PDE12: variants seen among roughly 807,000 people sequenced by gnomAD.
PDE12 encodes phosphodiesterase 12.
In PDE12, 26 loss-of-function variants were observed where a neutral mutation model predicts 45.4. That is an observed-to-expected ratio of 0.57 (90% CI 0.42 to 0.79). The LOEUF (loss-of-function observed/expected upper bound fraction) is 0.79, where lower values mean the gene tolerates loss of function less well. Among genes scored for constraint, PDE12 ranks in the 30% least tolerant of loss-of-function variants. The probability of loss-of-function intolerance (pLI) is 0.00; values close to 1 mark genes in which losing one functional copy is unlikely to be tolerated. For missense variants in PDE12, 668 were observed against 790.0 expected (o/e 0.85, Z 1.85); for synonymous variants, 283 against 323.9 (o/e 0.87, Z 1.36).
chr3:57,571,100 C>T (rs1013486942), downstream of PDE12, among the ~76,000 whole-genome samples: 4 of 152,070 alleles, frequency 2.6e-5, no homozygotes, highest in Non-Finnish European at 5.9e-5. Context: ...GCCTCAACCT[C>T]CTAAAGTGCT....
the PDE12 span, among the ~76,000 whole-genome samples, chr3:57,653,066 A>G: frequency 6.6e-6 from 1 of 152,186 alleles, no homozygotes; most frequent in South Asian, 2.1e-4. Context: ...AATAGACTCT[A>G]AAGTATTAAG....
the PDE12 span, among the ~76,000 whole-genome samples, chr3:57,653,700 C>T: frequency 2.0e-5 from 3 of 147,420 alleles, no homozygotes; most frequent in South Asian, 2.2e-4. Flanking sequence ...GAGCCGAGAT[C>T]GCACCACTGC....
the PDE12 span, among the ~76,000 whole-genome samples, chr3:57,574,972 C>T: frequency 7.2e-5 from 11 of 152,116 alleles, no homozygotes; most frequent in South Asian, 2.1e-4. Context: ...CCTCAGCCTT[C>T]CTGAGTAGCT....
the PDE12 span, among the ~76,000 whole-genome samples, chr3:57,639,323 A>G: frequency 1.3e-5 from 2 of 152,216 alleles, no homozygotes; most frequent in African/African-American, 4.8e-5. Context: ...AAGAATGTAA[A>G]CTGATGGGCC....
the PDE12 span, among the ~76,000 whole-genome samples, chr3:57,637,579 C>T: frequency 4.0e-5 from 6 of 151,650 alleles, no homozygotes; most frequent in African/African-American, 1.2e-4. Context: ...GGTTTCAAAG[C>T]CAGAATCCTG....
At chr3:57,568,586 T>C (rs1575776786), downstream of PDE12, among the ~76,000 whole-genome samples, 1 of 150,620 alleles carries the variant, frequency 6.6e-6, no homozygotes, top group Admixed American at 6.6e-5. Flanking sequence ...TACACTTCTT[T>C]TTTTTTTTTT....
At chr3:57,647,462 T>A in the PDE12 span, among the ~76,000 whole-genome samples, 5 of 152,250 alleles carry the variant, frequency 3.3e-5, no homozygotes, top group South Asian at 6.2e-4. Flanking sequence ...AAGGTGGACA[T>A]CTACATGCAG....
chr3:57,621,117 A>G, the PDE12 span, among the ~76,000 whole-genome samples: 1 of 152,238 alleles, frequency 6.6e-6, no homozygotes, highest in South Asian at 2.1e-4. Flanking sequence ...AAAGATAGAC[A>G]TATACACCAT....
intron 1 of PDE12, among the ~76,000 whole-genome samples, chr3:57,557,940 C>A (rs2069684903): frequency 6.6e-6 from 1 of 152,210 alleles, no homozygotes; most frequent in African/African-American, 2.4e-5. Flanking sequence ...TGCTTACAAT[C>A]TAGCGAGAGG....
At chr3:57,646,614 T>C in the PDE12 span, among the ~76,000 whole-genome samples, 3 of 152,224 alleles carry the variant, frequency 2.0e-5, no homozygotes. Context: ...TAAGTCCCTT[T>C]TATCCACATA....
chr3:57,596,889 T>C, the PDE12 span: 1 of 611,856 alleles, frequency 1.6e-6, no homozygotes. Context: ...TGGCGACAGA[T>C]CGGGGGCGGG....
intron 1 of PDE12, among the ~76,000 whole-genome samples, chr3:57,558,261 C>A (rs1229868349): frequency 6.6e-6 from 1 of 152,110 alleles, no homozygotes; most frequent in African/African-American, 2.4e-5. Flanking sequence ...ATTTAATTGA[C>A]TCCACACAAC....
the PDE12 span, among the ~76,000 whole-genome samples, chr3:57,580,774 C>CT: frequency 0.17 from 23,729 of 140,700 alleles, 2,478 homozygotes; most frequent in East Asian, 0.49. Flanking sequence ...CATTTTTATT[C>CT]TTTTTTTTTT....
the PDE12 span, chr3:57,645,699 A>G: frequency 6.2e-7 from 1 of 1,613,394 alleles, no homozygotes; most frequent in South Asian, 1.1e-5. Context: ...TGAATTCACT[A>G]TCATGAATAG....
At chr3:57,639,953 T>G in the PDE12 span, among the ~76,000 whole-genome samples, 11 of 152,088 alleles carry the variant, frequency 7.2e-5, no homozygotes, top group Non-Finnish European at 1.2e-4. Context: ...TATATCTATG[T>G]ATAACAAAAG....
the PDE12 span, among the ~76,000 whole-genome samples, chr3:57,575,305 CAAAAAAAAA>C: frequency 7.4e-6 from 1 of 135,010 alleles, no homozygotes; most frequent in East Asian, 2.1e-4. Flanking sequence ...CCTCTCCCTT[CAAAAAAAAA>C]AAAAAAGAAA....
the PDE12 span, chr3:57,628,736 G>T: frequency 6.9e-7 from 1 of 1,440,852 alleles, no homozygotes; most frequent in Non-Finnish European, 9.5e-7. Flanking sequence ...AACTATCATG[G>T]GTTGTCAGCT....
the PDE12 span, among the ~76,000 whole-genome samples, chr3:57,592,028 C>T: frequency 7.2e-5 from 11 of 152,136 alleles, no homozygotes; most frequent in Non-Finnish European, 1.3e-4. Flanking sequence ...CGGAACTGTA[C>T]ACTTTAACAG....
At chr3:57,622,891 A>G in the PDE12 span, among the ~76,000 whole-genome samples, 3 of 152,342 alleles carry the variant, frequency 2.0e-5, no homozygotes, top group East Asian at 5.8e-4. Context: ...AAAACTCTAG[A>G]AAATACAAAC....
Sources: gnomAD v4.1 joint callset for allele counts (sites outside exome capture counted in the v4.1 genomes callset) on GRCh38, gnomAD v4.1.1 for gene constraint, MANE v1.5 for transcripts, NCBI Gene and HGNC (gene_info 2026-07-23, HGNC 2026-07-21) for gene names.